Variants in DAGLA observed in about 807,000 individuals in gnomAD.
DAGLA encodes diacylglycerol lipase alpha.
DAGLA carries 22 observed loss-of-function variants against 102.6 expected under a neutral mutation model. That is an observed-to-expected ratio of 0.21 (90% confidence interval 0.15 to 0.31). The LOEUF (loss-of-function observed/expected upper bound fraction) is 0.31. Ranked by LOEUF, DAGLA falls within the 10% of genes least tolerant of loss-of-function variation. The pLI, the probability that DAGLA is intolerant of heterozygous loss-of-function variation, is 1.00. For missense variants in DAGLA, 927 were observed against 1,446.6 expected, an observed-to-expected ratio of 0.64 and a Z score of 5.83; for synonymous variants, 578 against 628.9, an observed-to-expected ratio of 0.92 and a Z score of 1.21.
chr11:61,723,229 G>A (rs1266466093), intron 4 of DAGLA, among the ~76,000 whole-genome samples: 1 of 152,208 alleles, frequency 6.6e-6, no homozygotes, highest in Non-Finnish European at 1.5e-5. Context: ...CCTGCTCTGA[G>A]CCAAGAGTGG....
At chr11:61,724,852 A>G (rs2065311112) in intron 5 of DAGLA, among the ~76,000 whole-genome samples, 1 of 152,148 alleles carries the variant, frequency 6.6e-6, no homozygotes, top group South Asian at 2.1e-4. Flanking sequence ...CAGCTGTCCA[A>G]GTCCCTAAGA....
At position 61,744,638 on chromosome 11, in the gene DAGLA, G is replaced by A. The variant is rs894764361; in HGVS notation, c.*149G>A. 18 of 648,278 alleles carry A rather than the reference G, an allele frequency of 2.8e-5. No individual in the cohort carries two copies. Among genetic ancestry groups the A allele is most frequent in the African/African-American group, 1.3e-4 (7 of 54,884 alleles). The allele number at this position is 648,278 out of a possible 1,614,324, so 40.2% of individuals were successfully genotyped here. A position where few individuals can be genotyped will look rare whatever the true frequency, so the allele number is the denominator to read the frequency against. ...GGCATCGCTGCTGAGCTGGGGGTCC[G>A]CATCCCTACCTCAGCTTAGGACCCC... On this transcript the variant is annotated 3_prime_UTR_variant, in exon 20 of 20. Transcript: ENST00000257215.
Position 61,739,646 on chromosome 11 carries a change from C to T in DAGLA, c.1838C>T (p.Pro613Leu). The change falls in exon 17 of 20, where the codon CCT becomes CTT. Residue 613 changes from proline to leucine, a missense_variant. By Grantham distance (98) the Pro-to-Leu change is moderately conservative. Around this residue, in one of 4 missense-constraint regions of DAGLA, gnomAD observed 218 missense variants for 459.6 expected, o/e 0.47. Coordinates refer to ENST00000257215, the MANE Select transcript of DAGLA (RefSeq NM_006133.3). ...GRIIHVVHNH[P>L]AEQCCCCEQE... ...ATCATCCACGTGGTCCACAACCACC[C>T]TGCAGAGCAGTGCTGGTAGGTTCTG... The T allele has an allele frequency of 6.2e-7, 1 of 1,613,924 alleles. No individual in the cohort carries two copies. The highest frequency in any genetic ancestry group is 2.2e-5 in the East Asian group (1 of 44,878).
At chr11:61,743,434 C>A in intron 19 of DAGLA, 98 bp from the exon 20 acceptor site, 1 of 858,044 alleles carries the variant, frequency 1.2e-6, no homozygotes, top group Non-Finnish European at 1.8e-6. Context: ...ATGAACTGTA[C>A]CCTTTATTCC....
rs1198649975 is a variant in DAGLA, at chr11:61,725,995, G to T, written c.549G>T (p.Arg183=). The change falls in exon 6 of 20, where the codon CGG becomes CGT. Residue 183 remains arginine, a splice_region_variant and synonymous_variant. Transcript: ENST00000257215. ...ACATACCGCCTCTCCTGCTTTGCAG[G>T]CACCGCTTAGAGGAGGGTCAAGCCA... ...RQRNLRTYNL[R]HRLEEGQATS... 2 of 1,613,472 alleles carry T rather than the reference G, an allele frequency of 1.2e-6. No individual in the cohort carries two copies. Among genetic ancestry groups the T allele is most frequent in the African/African-American group, 2.7e-5 (2 of 75,066 alleles).
At chr11:61,707,826 C>T (rs944295469) in intron 1 of DAGLA, among the ~76,000 whole-genome samples, 1 of 151,576 alleles carries the variant, frequency 6.6e-6, no homozygotes, top group Non-Finnish European at 1.5e-5. Context: ...CCGGCAGGGA[C>T]AGAGTCAGAC....
chr11:61,687,408 C>T (rs1474661628), intron 1 of DAGLA, among the ~76,000 whole-genome samples: 1 of 152,170 alleles, frequency 6.6e-6, no homozygotes, highest in African/African-American at 2.4e-5. Context: ...TCTCAGCTCA[C>T]TGCAACCTCC....
rs2064985290 is a variant in DAGLA, at chr11:61,686,319, G to T, written c.-45+5815G>T. 6.6e-6 allele frequency among the ~76,000 whole-genome samples: 1 copy of T among 152,202 alleles called. No homozygotes were observed. The highest frequency in any genetic ancestry group is 2.4e-5 in the African/African-American group (1 of 41,432). On this transcript the variant is annotated intron_variant, in intron 1 of 19. Coordinates refer to ENST00000257215, the MANE Select transcript of DAGLA (RefSeq NM_006133.3). The surrounding 1 kb of genome is among the most constrained non-coding windows in gnomAD (Gnocchi z 5.2). ...CTTTCAGCGGGTCTGACTCCCGTCA[G>T]TGCTGGGCGGGAGTGTGAACGGCAG... is the stretch of plus-strand genomic sequence containing the variant.
rs749185685 is a variant in DAGLA at position 61,744,252 on chromosome 11, C to A, written c.2892C>A (p.Phe964Leu). The stretch of plus-strand genomic sequence containing the variant: ...AAGAGATCCTGCTCCGTGCCCAGTT[C>A]GAGCCCAACCTGGTGCCCAAGCCCC... ...SQQEILLRAQ[F>L]EPNLVPKPPR... The change falls in exon 20 of 20, where the codon TTC (phenylalanine) becomes TTA (leucine). Residue 964 changes from phenylalanine (F) to leucine (L), a missense_variant. Phe to Leu is a conservative substitution (Grantham distance 22). Transcript: ENST00000257215. 1.9e-6 allele frequency: 3 copies of A among 1,613,066 alleles called. No homozygotes were observed. Among genetic ancestry groups the A allele is most frequent in the Middle Eastern group, 1.7e-4 (1 of 6,060 alleles).
chr11:61,709,044 T>C (rs971948907), intron 1 of DAGLA, among the ~76,000 whole-genome samples: 3 of 152,216 alleles, frequency 2.0e-5, no homozygotes, highest in Admixed American at 1.3e-4. Context: ...TGGCCCCTTT[T>C]GCCCTCCTGG....
At chr11:61,735,916 T>C (rs1449533217) in intron 12 of DAGLA, 100 bp downstream of exon 12, 2 of 1,144,962 alleles carry the variant, frequency 1.7e-6, no homozygotes, top group Admixed American at 2.4e-5. Context: ...CTCGCTGGGC[T>C]CACTGGAAGA....
At chr11:61,687,981 A>C (rs553616915) in intron 1 of DAGLA, among the ~76,000 whole-genome samples, 16 of 152,276 alleles carry the variant, frequency 1.1e-4, no homozygotes, top group Admixed American at 8.5e-4. Flanking sequence ...CAAAGGTGAC[A>C]CTGGATGGGA....
At chr11:61,709,579 G>T (rs2065177014) in intron 1 of DAGLA, among the ~76,000 whole-genome samples, 1 of 152,146 alleles carries the variant, frequency 6.6e-6, no homozygotes. Flanking sequence ...AGGGCTTCTG[G>T]AAACCCACTG....
chr11:61,688,327 A>AG (rs1484894604), intron 1 of DAGLA, among the ~76,000 whole-genome samples: 2 of 151,952 alleles, frequency 1.3e-5, no homozygotes, highest in Non-Finnish European at 2.9e-5. Flanking sequence ...AAAAAAAAAA[A>AG]AAAAAAGGAT....
chr11:61,740,926 G>A (rs775964642), intron 18 of DAGLA, among the ~76,000 whole-genome samples: 2 of 152,190 alleles, frequency 1.3e-5, no homozygotes, highest in African/African-American at 2.4e-5. Context: ...CCCTGGCTGC[G>A]GAAAGGCTGA....
intron 14 of DAGLA, 123 bp downstream of exon 14, chr11:61,737,447 C>A: frequency 7.1e-7 from 1 of 1,417,096 alleles, no homozygotes. Flanking sequence ...CTGGGAGTGG[C>A]CTGGAGGGTG....
intron 1 of DAGLA, among the ~76,000 whole-genome samples, chr11:61,710,232 A>AGG (rs1565252648): frequency 6.6e-6 from 1 of 150,410 alleles, no homozygotes; most frequent in Non-Finnish European, 1.5e-5. Flanking sequence ...ACTGCCTGGC[A>AGG]GGGGGGCCAT....
chr11:61,729,354 C>G (rs2065356157), intron 8 of DAGLA, among the ~76,000 whole-genome samples: 1 of 152,338 alleles, frequency 6.6e-6, no homozygotes, highest in Admixed American at 6.5e-5. Context: ...TACTTGGTTT[C>G]CAAGCTTTTT....
At chr11:61,697,754 C>T (rs918969816) in intron 1 of DAGLA, among the ~76,000 whole-genome samples, 1 of 152,090 alleles carries the variant, frequency 6.6e-6, no homozygotes, top group African/African-American at 2.4e-5. Flanking sequence ...AATCATAGCT[C>T]AGTGCACTCA....
Sources: gnomAD v4.1 joint callset for allele counts (sites outside exome capture counted in the v4.1 genomes callset) on GRCh38, gnomAD v4.1.1 for gene constraint, gnomAD v4.1.1 regional missense constraint, Gnocchi (gnomAD v3.1) non-coding constraint, MANE v1.5 for transcripts, NCBI Gene and HGNC (gene_info 2026-07-23, HGNC 2026-07-21) for gene names.